Variants in PCDH7 observed in about 807,000 individuals in gnomAD.
The protein encoded by PCDH7 is protocadherin 7.
PCDH7 carries 17 observed loss-of-function variants against 58.9 expected under a neutral mutation model. That is an observed-to-expected ratio of 0.29 (90% CI 0.20 to 0.43). PCDH7 has a LOEUF of 0.43. PCDH7 is among the 20% of genes least tolerant of loss of function. PCDH7 has a pLI of 1.00. For synonymous variants in PCDH7, 664 were observed against 616.4 expected (o/e 1.08, Z -1.14); for missense variants, 1,274 against 1,441.0 (o/e 0.88, Z 1.88).
At chr4:30,729,695 A>C (rs1482589714) in intron 1 of PCDH7, among the ~76,000 whole-genome samples, 1 of 152,044 alleles carries the variant, frequency 6.6e-6, no homozygotes, top group Non-Finnish European at 1.5e-5. Context: ...TTTTTCATCA[A>C]TATTGATAAT....
At position 30,765,125 on chromosome 4, in the gene PCDH7, C is replaced by CTT. The variant is rs10692198; in HGVS notation, c.70+40554_70+40555dup. Among the ~76,000 whole-genome samples the CTT allele has an allele frequency of 6.9e-4, 34 of 49,214 alleles. 4 individuals carry two copies. Among genetic ancestry groups the CTT allele is most frequent in the African/African-American group, 1.9e-3 (25 of 13,270 alleles). The allele number at this position is 49,214 out of a possible 152,430, so 32.3% of individuals were successfully genotyped here. A position where few individuals can be genotyped will look rare whatever the true frequency, so the allele number is the denominator to read the frequency against. On this transcript the variant is annotated intron_variant, in intron 1 of 3. Transcript: ENST00000509759. ...GGAAAGAGAGATAGGACTTCAGATG[C>CTT]TTTTTTTTTTTTTTTTTTTTTTTTT...
At chr4:31,078,472 CTTTTCTT>C (rs1230400427) in intron 3 of PCDH7, among the ~76,000 whole-genome samples, 4 of 150,164 alleles carry the variant, frequency 2.7e-5, no homozygotes, top group Non-Finnish European at 5.9e-5. Flanking sequence ...TCCTTTCTTT[CTTTTCTT>C]TTTTCTTTTT....
chr4:30,883,745 G>A (rs1465006310), intron 1 of PCDH7, among the ~76,000 whole-genome samples: 3 of 152,046 alleles, frequency 2.0e-5, no homozygotes, highest in Non-Finnish European at 4.4e-5. Flanking sequence ...ATAATATGTT[G>A]AACACTGATG....
At chr4:30,777,071 G>A (rs1722160839) in intron 1 of PCDH7, among the ~76,000 whole-genome samples, 1 of 152,104 alleles carries the variant, frequency 6.6e-6, no homozygotes, top group Non-Finnish European at 1.5e-5. Flanking sequence ...GAAAGGCAGT[G>A]GAGTGTAGTC....
intron 3 of PCDH7, among the ~76,000 whole-genome samples, chr4:31,140,714 T>C (rs1720148402): frequency 6.6e-6 from 1 of 151,916 alleles, no homozygotes; most frequent in African/African-American, 2.4e-5. Flanking sequence ...AAACCACTAA[T>C]AAAATTTGTC....
intron 3 of PCDH7, among the ~76,000 whole-genome samples, chr4:31,042,890 A>G (rs1054290415): frequency 3.3e-5 from 5 of 152,144 alleles, no homozygotes; most frequent in African/African-American, 7.2e-5. Context: ...TAGGGGCTGG[A>G]AAGTCAGAGG....
intron 1 of PCDH7, among the ~76,000 whole-genome samples, chr4:30,832,184 C>T (rs532655649): frequency 1.3e-5 from 2 of 152,240 alleles, no homozygotes; most frequent in African/African-American, 4.8e-5. Flanking sequence ...AACCTGGTTT[C>T]GGCTAGAAAG....
chr4:30,885,874 G>A (rs1269980439), intron 1 of PCDH7, among the ~76,000 whole-genome samples: 1 of 152,186 alleles, frequency 6.6e-6, no homozygotes, highest in Non-Finnish European at 1.5e-5. Flanking sequence ...AATGGGCAAA[G>A]GATTCCCTAT....
At chr4:31,084,930 C>T (rs1431805698) in intron 3 of PCDH7, among the ~76,000 whole-genome samples, 3 of 152,072 alleles carry the variant, frequency 2.0e-5, no homozygotes, top group East Asian at 3.9e-4. Context: ...GTCCAAACAC[C>T]TTACACCAGG....
chr4:30,888,215 C>G (rs373600555), intron 1 of PCDH7, among the ~76,000 whole-genome samples: 138 of 152,140 alleles, frequency 9.1e-4, no homozygotes, highest in African/African-American at 3.2e-3. Flanking sequence ...ATGGATCGAT[C>G]ATAATTGTAA....
chr4:30,884,040 G>A (rs1249895944), intron 1 of PCDH7, among the ~76,000 whole-genome samples: 1 of 152,004 alleles, frequency 6.6e-6, no homozygotes, highest in Non-Finnish European at 1.5e-5. Flanking sequence ...TTTCCTGGTT[G>A]CCCTATTTTC....
chr4:30,959,871 C>T (rs1273732625), intron 3 of PCDH7, among the ~76,000 whole-genome samples: 3 of 151,942 alleles, frequency 2.0e-5, no homozygotes, highest in Non-Finnish European at 2.9e-5. Flanking sequence ...TTATTTAGCA[C>T]AAGTCCTAAA....
intron 2 of PCDH7, among the ~76,000 whole-genome samples, chr4:30,932,843 C>G (rs978589703): frequency 1.3e-5 from 2 of 152,092 alleles, no homozygotes; most frequent in Non-Finnish European, 2.9e-5. Flanking sequence ...ATCCTAATGT[C>G]AAACTGTAAC....
chr4:30,765,080 AATTAACAAGGTTACTTAAG>A (rs1331679513), intron 1 of PCDH7, among the ~76,000 whole-genome samples: 1 of 137,956 alleles, frequency 7.2e-6, no homozygotes, highest in Non-Finnish European at 1.5e-5. Context: ...TGTCCTTTGC[AATTAACAAGGTTACTTAAG>A]GGAAAGAGAG....
intron 1 of PCDH7, among the ~76,000 whole-genome samples, chr4:30,792,583 C>G (rs1050394984): frequency 2.0e-5 from 3 of 152,024 alleles, no homozygotes; most frequent in African/African-American, 7.3e-5. Flanking sequence ...ACGTCTTAGC[C>G]TATATGGTTC....
intron 1 of PCDH7, among the ~76,000 whole-genome samples, chr4:30,886,686 C>T (rs377072271): frequency 4.9e-4 from 74 of 151,170 alleles, no homozygotes; most frequent in African/African-American, 1.4e-3. Context: ...ATGTTTATTG[C>T]GGCATTATTC....
chr4:31,038,390 T>G (rs959786770), intron 3 of PCDH7, among the ~76,000 whole-genome samples: 1 of 152,092 alleles, frequency 6.6e-6, no homozygotes. Context: ...TATTAGAATC[T>G]CAAAGTGATG....
chr4:30,959,915 C>T (rs899978648), intron 3 of PCDH7, among the ~76,000 whole-genome samples: 9 of 151,918 alleles, frequency 5.9e-5, no homozygotes, highest in Non-Finnish European at 1.3e-4. Context: ...AATGAGTAAG[C>T]GTCTGGGAGA....
At chr4:30,978,871 A>G (rs1292464093) in intron 3 of PCDH7, among the ~76,000 whole-genome samples, 1 of 152,180 alleles carries the variant, frequency 6.6e-6, no homozygotes, top group Admixed American at 6.5e-5. Flanking sequence ...CACTGATGTA[A>G]AATAAGGGGA....
Sources: gnomAD v4.1 joint callset for allele counts (sites outside exome capture counted in the v4.1 genomes callset) on GRCh38, gnomAD v4.1.1 for gene constraint, MANE v1.5 for transcripts, NCBI Gene and HGNC (gene_info 2026-07-23, HGNC 2026-07-21) for gene names.